The following RCL1 variants were observed in gnomAD, a reference collection of about 807,000 sequenced individuals.
RCL1 encodes the protein RNA terminal phosphate cyclase like 1.
Under a neutral mutation model 42.4 loss-of-function variants are expected in RCL1, and 24 were observed. The observed-to-expected ratio is 0.57, with a 90% CI of 0.41 to 0.80. The LOEUF (loss-of-function observed/expected upper bound fraction) is 0.80. RCL1 is among the 30% of genes least tolerant of loss of function. The pLI, the probability that RCL1 is intolerant of heterozygous loss-of-function variation, is 0.00. For missense variants in RCL1, 578 were observed against 467.9 expected (o/e 1.24, Z -2.17); for synonymous variants, 228 against 177.3 (o/e 1.29, Z -2.27).
At chr9:4,807,298 C>G (rs1816009793) in intron 1 of RCL1, among the ~76,000 whole-genome samples, 1 of 152,030 alleles carries the variant, frequency 6.6e-6, no homozygotes, top group African/African-American at 2.4e-5. Context: ...CCTTCACTTG[C>G]TTTGAGTTTA....
chr9:4,843,969 C>T (rs1430488913), intron 6 of RCL1, among the ~76,000 whole-genome samples: 2 of 152,206 alleles, frequency 1.3e-5, no homozygotes, highest in Non-Finnish European at 2.9e-5. Flanking sequence ...ACTGCACCCC[C>T]TTTCCTTGGC....
chr9:4,829,344 G>T (rs770460563), intron 3 of RCL1, among the ~76,000 whole-genome samples: 1 of 152,192 alleles, frequency 6.6e-6, no homozygotes, highest in African/African-American at 2.4e-5. Flanking sequence ...ATTGGAGGCG[G>T]AGTGAGAGGA....
At chr9:4,814,365 C>A (rs887326060) in intron 1 of RCL1, among the ~76,000 whole-genome samples, 1 of 151,982 alleles carries the variant, frequency 6.6e-6, no homozygotes, top group Admixed American at 6.6e-5. Context: ...TTTACTGCAA[C>A]CTTGAACTCC....
At chr9:4,827,206 T>C in intron 3 of RCL1, 173 bp downstream of exon 3, 1 of 1,533,214 alleles carries the variant, frequency 6.5e-7, no homozygotes, top group Non-Finnish European at 8.8e-7. Context: ...GAACCAAAAC[T>C]TAGGATCATC....
chr9:4,815,649 GTT>G (rs1816347304), intron 1 of RCL1, among the ~76,000 whole-genome samples: 1 of 151,864 alleles, frequency 6.6e-6, no homozygotes. Flanking sequence ...GAAAAGGGGA[GTT>G]TTTGCTGCTT....
chr9:4,835,574 G>A (rs3780359), intron 5 of RCL1, among the ~76,000 whole-genome samples: 25,431 of 152,250 alleles, frequency 0.17, 2,955 homozygotes, highest in East Asian at 0.59. Flanking sequence ...TTGATGAAGC[G>A]AGAGTCAGGG....
Position 4,851,885 on chromosome 9 carries a change from C to CT in RCL1, c.971+2348dup, listed in dbSNP as rs1214271046. The stretch of plus-strand genomic sequence containing the variant: ...AAAGTAAGTCTGTATGTGTGAAACT[C>CT]TTTTTTTTTTTTTGAGACAGAGTTT... On this transcript the variant is annotated intron_variant, in intron 8 of 8. Transcript: ENST00000381750. Among the ~76,000 whole-genome samples, 69 of 124,456 alleles carry CT rather than the reference C, an allele frequency of 5.5e-4. 4 individuals are homozygous for CT. Among genetic ancestry groups the CT allele is most frequent in the Non-Finnish European group, 7.3e-4 (45 of 61,564 alleles). 81.6% of individuals were successfully genotyped at this position (124,456 alleles called of 152,430 possible). A position where few individuals can be genotyped will look rare whatever the true frequency, so the allele number is the denominator to read the frequency against.
intron 1 of RCL1, among the ~76,000 whole-genome samples, chr9:4,800,920 C>T (rs891303891): frequency 6.6e-6 from 1 of 152,138 alleles, no homozygotes; most frequent in Non-Finnish European, 1.5e-5. Context: ...TCCCAGAGTG[C>T]TGGGATTACA....
chr9:4,854,530 T>G (rs552526888), intron 8 of RCL1, among the ~76,000 whole-genome samples: 7 of 152,252 alleles, frequency 4.6e-5, no homozygotes, highest in Middle Eastern at 3.4e-3. Flanking sequence ...GGACCCTCTG[T>G]TGTGGTTTGT....
rs144839975 is a variant in RCL1, at chr9:4,793,178, C to T, written c.87C>T (p.Pro29=). 179 of 1,610,532 alleles carry T rather than the reference C, an allele frequency of 1.1e-4. 1 individual carries two copies. In the East Asian group the frequency reaches 3.1e-3, roughly 28 times the overall value. ...RLVLSTLSGR[P]VKIRKIRARD... ...TCCTGTCTACCCTGAGCGGGCGCCCCGTCAAAATCCGAAAGATTCGGGCCA... is the reference window on the plus strand; with the variant it reads ...TCCTGTCTACCCTGAGCGGGCGCCCTGTCAAAATCCGAAAGATTCGGGCCA... Residue 29 remains proline (P), a synonymous_variant, in exon 1 of 9, where the codon CCC becomes CCT. Transcript: ENST00000381750.
intron 6 of RCL1, among the ~76,000 whole-genome samples, chr9:4,842,867 T>A (rs112086257): frequency 3.0e-4 from 45 of 152,202 alleles, no homozygotes; most frequent in Non-Finnish European, 5.0e-4. Context: ...GCCTCTCGCT[T>A]TATCAGAAAG....
chr9:4,848,374 A>G (rs905450946), intron 7 of RCL1, among the ~76,000 whole-genome samples: 17 of 152,216 alleles, frequency 1.1e-4, no homozygotes, highest in Admixed American at 2.6e-4. Flanking sequence ...CTACTAAATG[A>G]TATCTGACAG....
chr9:4,807,205 T>G (rs1401800242), intron 1 of RCL1, among the ~76,000 whole-genome samples: 1 of 152,214 alleles, frequency 6.6e-6, no homozygotes, highest in Non-Finnish European at 1.5e-5. Flanking sequence ...ATTGATCTCT[T>G]TAAAGACCCG....
chr9:4,849,319 T>A lies in RCL1; in HGVS notation c.868-128T>A. On this transcript the variant is annotated intron_variant, in intron 7 of 8. Coordinates refer to ENST00000381750, the MANE Select transcript of RCL1 (RefSeq NM_005772.5). ...ATGATTACTCTTATAAGACCTGTATTCTGTTTTATTGTTGCTTGAACTTTG... is the reference window on the plus strand; with the variant it reads ...ATGATTACTCTTATAAGACCTGTATACTGTTTTATTGTTGCTTGAACTTTG... 7 of 671,070 alleles carry A rather than the reference T, an allele frequency of 1.0e-5. No homozygotes were observed. The South Asian group carries it at 1.1e-4, about 11-fold the overall frequency. 41.6% of individuals were successfully genotyped at this position (671,070 alleles called of 1,614,324 possible). A position where few individuals can be genotyped will look rare whatever the true frequency, so the allele number is the denominator to read the frequency against.
chr9:4,796,315 A>G (rs1008430757), intron 1 of RCL1, among the ~76,000 whole-genome samples: 1 of 152,184 alleles, frequency 6.6e-6, no homozygotes, highest in African/African-American at 2.4e-5. Flanking sequence ...TCCCACTTAT[A>G]AGTAAGAACA....
intron 4 of RCL1, 56 bp downstream of exon 4, chr9:4,833,284 A>T: frequency 1.5e-6 from 2 of 1,309,050 alleles, no homozygotes; most frequent in Non-Finnish European, 1.1e-6. Flanking sequence ...TTTCCCACTG[A>T]CTCATTGGAA....
At chr9:4,804,772 G>A (rs147886006) in intron 1 of RCL1, 284 of 181,774 alleles carry the variant, frequency 1.6e-3, no homozygotes, top group African/African-American at 6.4e-3. Context: ...GACTCCTGCC[G>A]GAGCAGCGAA....
chr9:4,841,909 C>T (rs192386907), intron 6 of RCL1, among the ~76,000 whole-genome samples: 1 of 152,162 alleles, frequency 6.6e-6, no homozygotes, highest in Non-Finnish European at 1.5e-5. Context: ...AAATGATGCT[C>T]TATGTAATGA....
intron 8 of RCL1, chr9:4,850,414 C>A: frequency 2.0e-6 from 1 of 489,718 alleles, no homozygotes; most frequent in Non-Finnish European, 4.4e-6. Context: ...TGCGGTGGGG[C>A]TATGCACCCT....
Sources: allele counts gnomAD v4.1 joint callset (sites outside exome capture counted in the v4.1 genomes callset), GRCh38; gene constraint gnomAD v4.1.1; transcripts MANE v1.5; gene names NCBI Gene and HGNC (gene_info 2026-07-23, HGNC 2026-07-21).